NR3C2: variants seen among roughly 807,000 people sequenced by gnomAD.
NR3C2 encodes mineralocorticoid receptor.
In NR3C2, 15 loss-of-function variants were observed where a neutral mutation model predicts 86.4. The observed-to-expected ratio is 0.17, with a 90% CI of 0.12 to 0.27. NR3C2 has a LOEUF of 0.27. NR3C2 is among the 10% of genes least tolerant of loss of function. NR3C2 has a pLI of 1.00. For synonymous variants in NR3C2, 458 were observed against 450.5 expected, an observed-to-expected ratio of 1.02 and a Z score of -0.21; for missense variants, 960 against 1,195.6, an observed-to-expected ratio of 0.80 and a Z score of 2.91.
intron 6 of NR3C2, among the ~76,000 whole-genome samples, chr4:148,131,022 C>T (rs1348354158): frequency 2.6e-5 from 4 of 151,782 alleles, no homozygotes; most frequent in African/African-American, 4.8e-5. Flanking sequence ...TTAGTAGAGA[C>T]GGGGTTTCAC....
At position 148,331,134 on chromosome 4, in the gene NR3C2, C is replaced by G. The variant is rs570082694; in HGVS notation, c.1758-71017G>C. Among the ~76,000 whole-genome samples, 5 of 152,202 alleles carry G rather than the reference C, an allele frequency of 3.3e-5. No homozygotes were observed. The South Asian group carries it at 1.0e-3, about 32-fold the overall frequency. On this transcript the variant is annotated intron_variant, in intron 2 of 8. Transcript: ENST00000358102. The stretch of plus-strand genomic sequence containing the variant: ...AATACATATATTGTCCAAAATGGGT[C>G]AATAGATCTAATCCCAAACTTTGTC...
chr4:148,402,066 GA>G (rs1748196429), intron 2 of NR3C2, among the ~76,000 whole-genome samples: 1 of 152,142 alleles, frequency 6.6e-6, no homozygotes, highest in Non-Finnish European at 1.5e-5. Context: ...CTTCAGTATG[GA>G]AGTACCCAGA....
At chr4:148,155,327 C>T (rs527586424) in intron 4 of NR3C2, among the ~76,000 whole-genome samples, 9 of 152,184 alleles carry the variant, frequency 5.9e-5, no homozygotes, top group Non-Finnish European at 1.2e-4. Context: ...CAAATTGTCC[C>T]TGTTTGCAGA....
At chr4:148,264,688 C>A (rs1457237240) in intron 2 of NR3C2, among the ~76,000 whole-genome samples, 3 of 152,068 alleles carry the variant, frequency 2.0e-5, no homozygotes, top group Non-Finnish European at 4.4e-5. Flanking sequence ...AGATCCTTTC[C>A]AAGATATCCT....
rs13150785 is a variant in NR3C2 at position 148,228,231 on chromosome 4, C to T, written c.1897+31747G>A. Among the ~76,000 whole-genome samples, 172 of 151,832 alleles carry T rather than the reference C, an allele frequency of 1.1e-3. 1 individual carries two copies. The highest frequency in any genetic ancestry group is 2.0e-3 in the Non-Finnish European group (134 of 67,932). Reference sequence around the variant, plus strand: ...TTCTTTGCACAAATATGCAGATATACGTGTATTATATATTTTCTTTTTTCT... The same window carrying T: ...TTCTTTGCACAAATATGCAGATATATGTGTATTATATATTTTCTTTTTTCT... On this transcript the variant is annotated intron_variant, in intron 3 of 8. Coordinates refer to ENST00000358102, the MANE Select transcript of NR3C2 (RefSeq NM_000901.5).
chr4:148,304,302 T>C (rs1308682983), intron 2 of NR3C2, among the ~76,000 whole-genome samples: 5 of 146,266 alleles, frequency 3.4e-5, no homozygotes, highest in Non-Finnish European at 7.5e-5. Flanking sequence ...CCTGACATGC[T>C]GGCAAAAGGG....
chr4:148,436,286 G>C lies in NR3C2; in HGVS notation c.575C>G (p.Pro192Arg), dbSNP rs201155740. The C allele has an allele frequency of 1.9e-6, 3 of 1,613,994 alleles. No homozygotes were observed. Among genetic ancestry groups the C allele is most frequent in the Admixed American group, 1.7e-5 (1 of 60,000 alleles). Reference sequence around the variant, plus strand: ...CATGTTCAGAGGGCTGCAAACAGACGGGCTTTTCTCATGACACATGATAGG... The same window carrying C: ...CATGTTCAGAGGGCTGCAAACAGACCGGCTTTTCTCATGACACATGATAGG... ...KSPIMCHEKS[P>R]SVCSPLNMTS... Residue 192 changes from proline (P) to arginine (R), a missense_variant, in exon 2 of 9, where the codon CCG becomes CGG. Pro to Arg is a moderately radical substitution (Grantham distance 103). Around this residue, in one of 4 missense-constraint regions of NR3C2, gnomAD observed 680 missense variants for 719.0 expected, o/e 0.95. Transcript: ENST00000358102.
rs1326757038 is a variant in NR3C2 at position 148,079,952 on chromosome 4, G to A, written c.*1392C>T. 1 of 152,200 alleles carries A rather than the reference G, an allele frequency of 6.6e-6. No homozygotes were observed. Among genetic ancestry groups the A allele is most frequent in the Non-Finnish European group, 1.5e-5 (1 of 68,044 alleles). The allele number at this position is 152,200 out of a possible 1,614,324, so 9.4% of individuals were successfully genotyped here. A position where few individuals can be genotyped will look rare whatever the true frequency, so the allele number is the denominator to read the frequency against. On this transcript the variant is annotated 3_prime_UTR_variant, in exon 9 of 9. Coordinates refer to ENST00000358102, the MANE Select transcript of NR3C2 (RefSeq NM_000901.5). Reference sequence around the variant, plus strand: ...AAGGGAATAGCTGATCTTTAACAGAGAGAGAGTGCATGGAATTTTTTTTTC... The same window carrying A: ...AAGGGAATAGCTGATCTTTAACAGAAAGAGAGTGCATGGAATTTTTTTTTC...
At chr4:148,397,485 C>T (rs1747920255) in intron 2 of NR3C2, among the ~76,000 whole-genome samples, 1 of 152,232 alleles carries the variant, frequency 6.6e-6, no homozygotes, top group Non-Finnish European at 1.5e-5. Context: ...CCACCAATCT[C>T]TCAGACGGGA....
chr4:148,105,568 C>CA (rs770386794), intron 8 of NR3C2, among the ~76,000 whole-genome samples: 103 of 152,112 alleles, frequency 6.8e-4, no homozygotes, highest in African/African-American at 2.4e-3. Context: ...GGCAGAGACA[C>CA]AACAAAAAAA....
rs778135014 is a variant in NR3C2 at position 148,435,173 on chromosome 4, T to C, written c.1688A>G (p.His563Arg). ...ACTTCTTCTAGACGACAGGTCGCCG[T>C]GTGATTTCCATGACTCCACTAAAGT... is the stretch of plus-strand genomic sequence containing the variant. ...VNTLVESWKS[H>R]GDLSSRRSDG... is the part of the protein sequence containing the mutation. The change falls in exon 2 of 9, where the codon CAC (histidine) becomes CGC (arginine). Residue 563 changes from histidine to arginine, a missense_variant. Physicochemically the swap from His to Arg is conservative, Grantham distance 29. This residue lies in a region of NR3C2 where 680 missense variants were observed against 719.0 expected (regional missense o/e 0.95). Transcript: ENST00000358102. 6.2e-7 allele frequency: 1 copy of C among 1,614,152 alleles called. No homozygotes were observed. Among genetic ancestry groups the C allele is most frequent in the South Asian group, 1.1e-5 (1 of 91,084 alleles).
intron 6 of NR3C2, among the ~76,000 whole-genome samples, chr4:148,136,062 A>C (rs79705761): frequency 0.28 from 23,053 of 82,316 alleles, 2,636 homozygotes; most frequent in Middle Eastern, 0.41. Flanking sequence ...GTCTCAAAAA[A>C]AAAAAAAAAA....
At chr4:148,443,213 C>G (rs1209814535), upstream of NR3C2, among the ~76,000 whole-genome samples, 1 of 118,632 alleles carries the variant, frequency 8.4e-6, no homozygotes, top group Non-Finnish European at 1.6e-5. Context: ...TCCCTTAGAC[C>G]CCTAACACCA....
At chr4:148,202,077 T>G (rs1432102563) in intron 3 of NR3C2, among the ~76,000 whole-genome samples, 2 of 152,230 alleles carry the variant, frequency 1.3e-5, no homozygotes, top group Non-Finnish European at 2.9e-5. Context: ...AAATTTTATG[T>G]TTTAAAAAAC....
chr4:148,399,688 AC>A (rs1324603301), intron 2 of NR3C2, among the ~76,000 whole-genome samples: 14 of 37,246 alleles, frequency 3.8e-4, no homozygotes, highest in African/African-American at 6.9e-4. Flanking sequence ...ATACAGACAC[AC>A]ACACACACAC....
intron 2 of NR3C2, among the ~76,000 whole-genome samples, chr4:148,358,395 C>T (rs1745662032): frequency 6.8e-6 from 1 of 147,690 alleles, no homozygotes; most frequent in Non-Finnish European, 1.5e-5. Context: ...ACCGCATATT[C>T]TCACTCATAG....
At chr4:148,198,557 G>A (rs17024469) in intron 3 of NR3C2, among the ~76,000 whole-genome samples, 2,633 of 152,250 alleles carry the variant, frequency 0.017, 84 homozygotes, top group African/African-American at 0.058. Flanking sequence ...AGCTATCAGA[G>A]CCTCAGCCAA....
upstream of NR3C2, chr4:148,443,858 G>A (rs1395965367): frequency 5.9e-6 from 2 of 339,608 alleles, no homozygotes; most frequent in Non-Finnish European, 8.3e-6. Context: ...CGGGATTCCG[G>A]ACCCCTAACC....
intron 2 of NR3C2, among the ~76,000 whole-genome samples, chr4:148,420,371 C>G (rs904361622): frequency 6.6e-6 from 1 of 152,162 alleles, no homozygotes; most frequent in Non-Finnish European, 1.5e-5. Context: ...TAATATGAGA[C>G]GGGTCCTTGT....
Sources: gnomAD v4.1 joint callset for allele counts (sites outside exome capture counted in the v4.1 genomes callset) on GRCh38, gnomAD v4.1.1 for gene constraint, gnomAD v4.1.1 regional missense constraint, MANE v1.5 for transcripts, NCBI Gene and HGNC (gene_info 2026-07-23, HGNC 2026-07-21) for gene names.